Variants in LUZP2 observed in about 807,000 individuals in gnomAD.
LUZP2 encodes leucine zipper protein 2.
In LUZP2, 52 loss-of-function variants were observed where a neutral mutation model predicts 51.6. The ratio of observed to expected loss-of-function variants is 1.01; its 90% CI spans 0.81 to 1.27. The LOEUF (loss-of-function observed/expected upper bound fraction) is 1.27, where lower values mean the gene tolerates loss of function less well. LUZP2 is among the 50% of genes most tolerant of loss of function. The probability of loss-of-function intolerance (pLI) is 0.00; values close to 1 mark genes in which losing one functional copy is unlikely to be tolerated. For missense variants in LUZP2, 436 were observed against 395.4 expected, an observed-to-expected ratio of 1.10 and a Z score of -0.87; for synonymous variants, 154 against 137.3, an observed-to-expected ratio of 1.12 and a Z score of -0.85.
chr11:24,656,293 T>A (rs752435576), intron 1 of LUZP2, among the ~76,000 whole-genome samples: 1 of 152,132 alleles, frequency 6.6e-6, no homozygotes, highest in Non-Finnish European at 1.5e-5. Context: ...TAATAAATTA[T>A]CACAAATTTA....
chr11:24,952,658 T>G (rs951444750), intron 7 of LUZP2, among the ~76,000 whole-genome samples: 7 of 151,892 alleles, frequency 4.6e-5, no homozygotes, highest in Non-Finnish European at 1.0e-4. Flanking sequence ...TTATTTTTAC[T>G]TCCTTTAGTT....
chr11:24,503,410 C>T (rs1850060536), intron 1 of LUZP2, among the ~76,000 whole-genome samples: 1 of 152,080 alleles, frequency 6.6e-6, no homozygotes, highest in Admixed American at 6.5e-5. Flanking sequence ...ACTAAGACGT[C>T]TAAGAACTTT....
intron 1 of LUZP2, among the ~76,000 whole-genome samples, chr11:24,575,635 G>T (rs962186429): frequency 6.6e-6 from 1 of 151,850 alleles, no homozygotes; most frequent in African/African-American, 2.4e-5. Flanking sequence ...TTTAATCCCT[G>T]AAGTCTTCAA....
intron 1 of LUZP2, among the ~76,000 whole-genome samples, chr11:24,686,075 G>A (rs1022862499): frequency 4.6e-5 from 7 of 152,108 alleles, no homozygotes; most frequent in African/African-American, 1.4e-4. Flanking sequence ...GAAGGACTGA[G>A]TAAGCCAAAC....
chr11:24,529,332 C>T (rs770178201), intron 1 of LUZP2, among the ~76,000 whole-genome samples: 1 of 150,914 alleles, frequency 6.6e-6, no homozygotes, highest in African/African-American at 2.4e-5. Context: ...GGGTATTTCA[C>T]TCATGAGATC....
chr11:24,820,101 C>G (rs1850311940), intron 5 of LUZP2, among the ~76,000 whole-genome samples: 1 of 151,972 alleles, frequency 6.6e-6, no homozygotes, highest in Non-Finnish European at 1.5e-5. Context: ...GAATTTTTAG[C>G]CTAGTGAGAC....
At chr11:24,932,688 G>A (rs1378677660) in intron 7 of LUZP2, among the ~76,000 whole-genome samples, 1 of 151,978 alleles carries the variant, frequency 6.6e-6, no homozygotes, top group Non-Finnish European at 1.5e-5. Flanking sequence ...CCAGGCAGCA[G>A]GTAAGCAGGA....
At chr11:24,778,192 A>G (rs1198343269) in intron 5 of LUZP2, among the ~76,000 whole-genome samples, 1 of 152,128 alleles carries the variant, frequency 6.6e-6, no homozygotes. Context: ...CTTGAGTCCA[A>G]GAATTTGAGA....
intron 5 of LUZP2, among the ~76,000 whole-genome samples, chr11:24,896,026 G>A (rs972621663): frequency 2.6e-5 from 4 of 152,202 alleles, no homozygotes; most frequent in Non-Finnish European, 5.9e-5. Context: ...TTTAACTACA[G>A]CAATTCTGAC....
chr11:24,771,078 T>A (rs1860398053), intron 5 of LUZP2, among the ~76,000 whole-genome samples: 1 of 152,200 alleles, frequency 6.6e-6, no homozygotes, highest in African/African-American at 2.4e-5. Flanking sequence ...AAGTCATATC[T>A]GACCTAGAGC....
chr11:24,552,986 A>C (rs1182054329), intron 1 of LUZP2, among the ~76,000 whole-genome samples: 3 of 151,374 alleles, frequency 2.0e-5, no homozygotes, highest in Non-Finnish European at 4.4e-5. Flanking sequence ...ATACCTAATT[A>C]AAATATCTAA....
intron 5 of LUZP2, among the ~76,000 whole-genome samples, chr11:24,810,647 G>A (rs950718869): frequency 1.3e-5 from 2 of 152,162 alleles, no homozygotes; most frequent in African/African-American, 4.8e-5. Flanking sequence ...GGTGTATAGT[G>A]TGTTGTAAGA....
At chr11:24,593,407 G>A (rs1853324251) in intron 1 of LUZP2, among the ~76,000 whole-genome samples, 1 of 152,154 alleles carries the variant, frequency 6.6e-6, no homozygotes, top group South Asian at 2.1e-4. Context: ...GGCCTCTCAC[G>A]AGATTTCTAT....
intron 1 of LUZP2, among the ~76,000 whole-genome samples, chr11:24,516,669 A>C (rs1850472916): frequency 6.6e-6 from 1 of 152,232 alleles, no homozygotes; most frequent in Non-Finnish European, 1.5e-5. Flanking sequence ...GAGAGAAGTT[A>C]ATCTAAAATG....
intron 9 of LUZP2, among the ~76,000 whole-genome samples, chr11:25,040,686 A>C (rs1050793098): frequency 2.6e-5 from 4 of 152,176 alleles, no homozygotes; most frequent in Admixed American, 2.6e-4. Flanking sequence ...TGTTTTAAGC[A>C]TCTTCTTTTT....
chr11:24,499,496 G>C (rs1849923436), intron 1 of LUZP2, among the ~76,000 whole-genome samples: 1 of 152,206 alleles, frequency 6.6e-6, no homozygotes, highest in African/African-American at 2.4e-5. Context: ...GTAGGGATGA[G>C]CTTATTGTCC....
chr11:24,822,773 A>T (rs944708372), intron 5 of LUZP2, among the ~76,000 whole-genome samples: 1 of 152,198 alleles, frequency 6.6e-6, no homozygotes, highest in Non-Finnish European at 1.5e-5. Context: ...AACATGATTT[A>T]AAAAATAAAT....
At chr11:24,589,222 T>A (rs1285587794) in intron 1 of LUZP2, among the ~76,000 whole-genome samples, 1 of 152,126 alleles carries the variant, frequency 6.6e-6, no homozygotes, top group Non-Finnish European at 1.5e-5. Flanking sequence ...CTGTTCCTGT[T>A]TTTGAGATCT....
chr11:24,603,191 C>G (rs1027375211), intron 1 of LUZP2, among the ~76,000 whole-genome samples: 6 of 151,672 alleles, frequency 4.0e-5, no homozygotes, highest in African/African-American at 9.7e-5. Context: ...TAATGTGAAA[C>G]CCCAAGATGA....
Sources: allele counts gnomAD v4.1 joint callset (sites outside exome capture counted in the v4.1 genomes callset), GRCh38; gene constraint gnomAD v4.1.1; transcripts MANE v1.5; gene names NCBI Gene and HGNC (gene_info 2026-07-23, HGNC 2026-07-21).